OR51L1: variants seen among roughly 807,000 people sequenced by gnomAD.
OR51L1 encodes olfactory receptor 51L1.
Under a neutral mutation model 1.4 loss-of-function variants are expected in OR51L1, and 1 was observed. The observed-to-expected ratio is 0.72, with a 90% CI of 0.26 to 3.42. OR51L1 has a LOEUF of 3.42. Ranked by LOEUF, OR51L1 falls within the 30% of genes most tolerant of loss-of-function variation. OR51L1 has a pLI of 0.20. For missense variants in OR51L1, 378 were observed against 380.0 expected (o/e 0.99, Z 0.04); for synonymous variants, 156 against 144.2 (o/e 1.08, Z -0.59).
chr11:4,998,708 T>A (rs1329648404), intron 2 of OR51L1, 116 bp from the exon 3 acceptor site: 1 of 364,890 alleles, frequency 2.7e-6, no homozygotes, highest in East Asian at 4.2e-5. Flanking sequence ...TTAAATTCTT[T>A]AGTGTCTTTG....
rs1031079200 is a variant in OR51L1 at position 5,002,601 on chromosome 11, C to T, written c.*2671C>T. ...GCCTCAGCTGGAGAAATGAGCCTTG[C>T]CTGGGGTCATCCACTGACACATTCA... On this transcript the variant is annotated 3_prime_UTR_variant, in exon 3 of 3. Transcript: ENST00000641819. 1 of 151,952 alleles carries T rather than the reference C, an allele frequency of 6.6e-6. No individual in the cohort carries two copies. The highest frequency in any genetic ancestry group is 6.6e-5 in the Admixed American group (1 of 15,248). The allele number at this position is 151,952 out of a possible 1,614,324, so 9.4% of individuals were successfully genotyped here. A position where few individuals can be genotyped will look rare whatever the true frequency, so the allele number is the denominator to read the frequency against.
Position 4,998,866 on chromosome 11 carries a change from C to A in OR51L1, c.-117C>A. On this transcript the variant is annotated 5_prime_UTR_variant, in exon 3 of 3. Coordinates refer to ENST00000641819, the MANE Select transcript of OR51L1 (RefSeq NM_001004755.2). ...AGCTTCCTTCCTCTGTGAGGTTAGACGAAAGATGTATTTTTGTCCTCATTC... is the reference window on the plus strand; with the variant it reads ...AGCTTCCTTCCTCTGTGAGGTTAGAAGAAAGATGTATTTTTGTCCTCATTC... 2.6e-6 allele frequency: 3 copies of A among 1,140,182 alleles called. No individual in the cohort carries two copies. Among genetic ancestry groups the A allele is most frequent in the Non-Finnish European group, 2.5e-6 (2 of 800,364 alleles). 70.6% of individuals were successfully genotyped at this position (1,140,182 alleles called of 1,614,324 possible).
In OR51L1 at chr11:4,995,207, CTT is replaced by C. The variant is rs1477110058; in HGVS notation, c.-388_-387del. ...ACATAGGAACAGAAAGAAAATATGA[CTT>C]TAACTATAGTGAAGAAAAGTTTAGT... On this transcript the variant is annotated 5_prime_UTR_variant, in exon 1 of 3. An upstream open reading frame in the 5' UTR loses its in-frame stop. Coordinates refer to ENST00000641819, the MANE Select transcript of OR51L1 (RefSeq NM_001004755.2). 1 of 152,006 alleles carries C rather than the reference CTT, an allele frequency of 6.6e-6. No individual in the cohort carries two copies. Among genetic ancestry groups the C allele is most frequent in the Admixed American group, 6.6e-5 (1 of 15,246 alleles). 9.4% of individuals were successfully genotyped at this position (152,006 alleles called of 1,614,324 possible).
At chr11:4,996,522 T>G (rs1291805333) in intron 1 of OR51L1, among the ~76,000 whole-genome samples, 1 of 152,074 alleles carries the variant, frequency 6.6e-6, no homozygotes, top group Non-Finnish European at 1.5e-5. Flanking sequence ...AGTGATCCAC[T>G]TTGTTCTTTG....
intron 2 of OR51L1, among the ~76,000 whole-genome samples, chr11:4,998,151 G>A (rs1250267486): frequency 2.0e-5 from 3 of 150,784 alleles, no homozygotes; most frequent in Non-Finnish European, 4.4e-5. Flanking sequence ...TGATGTTATG[G>A]CCTAAAGATT....
rs867031496 is a variant in OR51L1 at position 4,996,077 on chromosome 11, G to C, written c.-262+742G>C. 5.9e-5 allele frequency among the ~76,000 whole-genome samples: 9 copies of C among 152,078 alleles called. No individual in the cohort carries two copies. In the East Asian group the frequency reaches 1.4e-3, roughly 23 times the overall value. ...AGAATGGGAACTCTTTTCAGGTGAGGGATAAATCAATGAGATAAAGCAGTG... is the reference window on the plus strand; with the variant it reads ...AGAATGGGAACTCTTTTCAGGTGAGCGATAAATCAATGAGATAAAGCAGTG... On this transcript the variant is annotated intron_variant, in intron 1 of 2. Transcript: ENST00000641819.
chr11:4,997,485 A>G lies in OR51L1; in HGVS notation c.-258A>G, dbSNP rs1241728480. On this transcript the variant is annotated 5_prime_UTR_variant, in exon 2 of 3. Coordinates refer to ENST00000641819, the MANE Select transcript of OR51L1 (RefSeq NM_001004755.2). ...TCTTATCTTAATCTTTCAAAAGGTCAGAGACTAAGGGTCCAGAAGGAGGGT... is the reference window on the plus strand; with the variant it reads ...TCTTATCTTAATCTTTCAAAAGGTCGGAGACTAAGGGTCCAGAAGGAGGGT... 6.6e-6 allele frequency: 1 copy of G among 152,212 alleles called. No homozygotes were observed. 9.4% of individuals were successfully genotyped at this position (152,212 alleles called of 1,614,324 possible). A position where few individuals can be genotyped will look rare whatever the true frequency, so the allele number is the denominator to read the frequency against.
chr11:5,004,271 T>G lies in OR51L1; in HGVS notation c.*4341T>G, dbSNP rs914615936. ...TATAGGTGAACCAAGGCTGAGAGACTAAGATTCCTTTTCAGGACTGAGTAG... is the reference window on the plus strand; with the variant it reads ...TATAGGTGAACCAAGGCTGAGAGACGAAGATTCCTTTTCAGGACTGAGTAG... On this transcript the variant is annotated 3_prime_UTR_variant, in exon 3 of 3. Transcript: ENST00000641819. 1 of 152,160 alleles carries G rather than the reference T, an allele frequency of 6.6e-6. No homozygotes were observed. The highest frequency in any genetic ancestry group is 1.5e-5 in the Non-Finnish European group (1 of 68,042). 9.4% of individuals were successfully genotyped at this position (152,160 alleles called of 1,614,324 possible).
rs1291910837 is a variant in OR51L1 at position 4,999,530 on chromosome 11, A to C, written c.548A>C (p.His183Pro). Residue 183 changes from histidine (H) to proline (P), a missense_variant, in exon 3 of 3, where the codon CAC (histidine) becomes CCC (proline). By Grantham distance (77) the His-to-Pro change is moderately conservative. Coordinates refer to ENST00000641819, the MANE Select transcript of OR51L1 (RefSeq NM_001004755.2). The part of the protein sequence containing the change: ...GNALSHAFCL[H>P]QDVLRLSCTD... ...GCCCTCTCTCACGCCTTCTGTTTGC[A>C]CCAGGATGTTCTAAGATTATCCTGT... 2 of 1,613,894 alleles carry C rather than the reference A, an allele frequency of 1.2e-6. No homozygotes were observed. The highest frequency in any genetic ancestry group is 2.7e-5 in the African/African-American group (2 of 74,898).
Position 5,000,007 on chromosome 11 carries a change from G to T in OR51L1, c.*77G>T. On this transcript the variant is annotated 3_prime_UTR_variant, in exon 3 of 3. Coordinates refer to ENST00000641819, the MANE Select transcript of OR51L1 (RefSeq NM_001004755.2). ...AGTATATGAAAAGTAAAATATCTGGGTGTTGCTCATCTGGTTAAAATCCTA... is the reference window on the plus strand; with the variant it reads ...AGTATATGAAAAGTAAAATATCTGGTTGTTGCTCATCTGGTTAAAATCCTA... 2 of 1,368,146 alleles carry T rather than the reference G, an allele frequency of 1.5e-6. No homozygotes were observed. The highest frequency in any genetic ancestry group is 2.4e-5 in the Admixed American group (1 of 41,268). The allele number at this position is 1,368,146 out of a possible 1,614,324, so 84.8% of individuals were successfully genotyped here.
Position 4,999,718 on chromosome 11 carries a change from C to T in OR51L1, c.736C>T (p.His246Tyr), listed in dbSNP as rs145827232. ...QLKALNTCVS[H>Y]ICVVLIFFVP... ...AAAGGCACTCAACACATGTGTATCC[C>T]ATATCTGTGTGGTGCTTATCTTCTT... Residue 246 changes from histidine (H) to tyrosine (Y), a missense_variant, in exon 3 of 3, where the codon CAT becomes TAT. Transcript: ENST00000641819. 591 of 1,613,934 alleles carry T rather than the reference C, an allele frequency of 3.7e-4. 1 individual carries two copies. In the African/African-American group the frequency reaches 4.3e-3, roughly 12 times the overall value.
chr11:5,005,097 G>A lies in OR51L1; in HGVS notation c.*5167G>A, dbSNP rs1248760579. On this transcript the variant is annotated 3_prime_UTR_variant, in exon 3 of 3. Coordinates refer to ENST00000641819, the MANE Select transcript of OR51L1 (RefSeq NM_001004755.2). ...AGGCATCTGGGAAGGGCTACCCACA[G>A]ATCATTCATAAGTAAATTCTTTGCT... is the stretch of plus-strand genomic sequence containing the variant. 1 of 152,176 alleles carries A rather than the reference G, an allele frequency of 6.6e-6. No homozygotes were observed. The highest frequency in any genetic ancestry group is 1.5e-5 in the Non-Finnish European group (1 of 68,038). 9.4% of individuals were successfully genotyped at this position (152,176 alleles called of 1,614,324 possible).
chr11:4,996,753 C>CTTTCT (rs1353276216), intron 1 of OR51L1, among the ~76,000 whole-genome samples: 7 of 131,026 alleles, frequency 5.3e-5, no homozygotes, highest in Admixed American at 1.6e-4. Context: ...TTCTTTCTTT[C>CTTTCT]TTTCTTTCTT....
rs1847105822 is a variant in OR51L1 at position 4,999,456 on chromosome 11, A to C, written c.474A>C (p.Val158=). The C allele has an allele frequency of 6.2e-7, 1 of 1,614,012 alleles. No individual in the cohort carries two copies. Among genetic ancestry groups the C allele is most frequent in the Admixed American group, 1.7e-5 (1 of 60,004 alleles). The part of the protein sequence containing the change: ...LACLLRSLGV[V]LPTPLLLRHY... The stretch of plus-strand genomic sequence containing the variant: ...GTTTGCTACGAAGCTTGGGAGTTGT[A>C]CTTCCCACACCTTTGCTACTGAGAC... The change falls in exon 3 of 3, where the codon GTA becomes GTC. Residue 158 remains valine (V), a synonymous_variant. Transcript: ENST00000641819.
rs1847162036 is a variant in OR51L1 at position 5,004,804 on chromosome 11, GT to G, written c.*4876del. ...ATGTCCTTCTGTGTAATTTTTGAAAGTTGTAAGGCTTTCCTTTTGATATTTC... is the reference window on the plus strand; with the variant it reads ...ATGTCCTTCTGTGTAATTTTTGAAAGTGTAAGGCTTTCCTTTTGATATTTC... On this transcript the variant is annotated 3_prime_UTR_variant, in exon 3 of 3. Coordinates refer to ENST00000641819, the MANE Select transcript of OR51L1 (RefSeq NM_001004755.2). 1 of 152,132 alleles carries G rather than the reference GT, an allele frequency of 6.6e-6. No homozygotes were observed. The highest frequency in any genetic ancestry group is 1.5e-5 in the Non-Finnish European group (1 of 68,018). The allele number at this position is 152,132 out of a possible 1,614,324, so 9.4% of individuals were successfully genotyped here.
In OR51L1 at chr11:4,998,891, C is replaced by T; in HGVS notation, c.-92C>T. The T allele has an allele frequency of 7.2e-7, 1 of 1,379,704 alleles. No individual in the cohort carries two copies. The highest frequency in any genetic ancestry group is 2.2e-5 in the Admixed American group (1 of 45,858). The allele number at this position is 1,379,704 out of a possible 1,614,324, so 85.5% of individuals were successfully genotyped here. A position where few individuals can be genotyped will look rare whatever the true frequency, so the allele number is the denominator to read the frequency against. On this transcript the variant is annotated 5_prime_UTR_variant, in exon 3 of 3. Transcript: ENST00000641819. ...CGAAAGATGTATTTTTGTCCTCATT[C>T]CATTATTTGTACTCAAAAGAGATAA...
In OR51L1 at chr11:4,999,010, G is replaced by A. The variant is rs1452334202; in HGVS notation, c.28G>A (p.Val10Met). The A allele has an allele frequency of 6.2e-7, 1 of 1,613,824 alleles. No homozygotes were observed. The highest frequency in any genetic ancestry group is 8.5e-7 in the Non-Finnish European group (1 of 1,179,862). The change falls in exon 3 of 3, where the codon GTG becomes ATG. Residue 10 changes from valine to methionine, a missense_variant. Coordinates refer to ENST00000641819, the MANE Select transcript of OR51L1 (RefSeq NM_001004755.2). MGDWNNSDA[V>M]EPIFILRGFP... Reference sequence around the variant, plus strand: ...GGGAGACTGGAATAACAGTGATGCTGTGGAGCCCATATTTATCCTGAGGGG... The same window carrying A: ...GGGAGACTGGAATAACAGTGATGCTATGGAGCCCATATTTATCCTGAGGGG...
In OR51L1 at chr11:4,999,372, T is replaced by C. The variant is rs1303237766; in HGVS notation, c.390T>C (p.His130=). 6.2e-7 allele frequency: 1 copy of C among 1,614,026 alleles called. No homozygotes were observed. The highest frequency in any genetic ancestry group is 8.5e-7 in the Non-Finnish European group (1 of 1,180,022). ...TTGACCGTTTTGTTGCTATCTGCCATCCACTGCACTACCCCACCATCCTCA... is the reference window on the plus strand; with the variant it reads ...TTGACCGTTTTGTTGCTATCTGCCACCCACTGCACTACCCCACCATCCTCA... The part of the protein sequence containing the change: ...MAFDRFVAIC[H]PLHYPTILTN... The change falls in exon 3 of 3, where the codon CAT becomes CAC. Residue 130 remains histidine (H), a synonymous_variant. Transcript: ENST00000641819.
In OR51L1 at chr11:4,995,187, G is replaced by A. The variant is rs1435292826; in HGVS notation, c.-410G>A. The A allele has an allele frequency of 6.6e-6, 1 of 152,018 alleles. No individual in the cohort carries two copies. The highest frequency in any genetic ancestry group is 1.5e-5 in the Non-Finnish European group (1 of 67,980). 9.4% of individuals were successfully genotyped at this position (152,018 alleles called of 1,614,324 possible). A position where few individuals can be genotyped will look rare whatever the true frequency, so the allele number is the denominator to read the frequency against. On this transcript the variant is annotated 5_prime_UTR_variant, in exon 1 of 3. Transcript: ENST00000641819. ...AAAGAGAGAAAAAGCCACAGACATA[G>A]GAACAGAAAGAAAATATGACTTTAA...
Sources: allele counts gnomAD v4.1 joint callset (sites outside exome capture counted in the v4.1 genomes callset), GRCh38; gene constraint gnomAD v4.1.1; transcripts MANE v1.5; gene names NCBI Gene and HGNC (gene_info 2026-07-23, HGNC 2026-07-21).